The following RARB variants were observed in gnomAD, a reference collection of about 807,000 sequenced individuals.
The protein encoded by RARB is retinoic acid receptor beta.
In RARB, 17 loss-of-function variants were observed where a neutral mutation model predicts 51.9. The ratio of observed to expected loss-of-function variants is 0.33; its 90% CI spans 0.22 to 0.49. RARB has a LOEUF of 0.49. Among genes scored for constraint, RARB ranks in the 20% least tolerant of loss-of-function variants. RARB has a pLI of 0.99. For synonymous variants in RARB, 215 were observed against 195.4 expected (o/e 1.10, Z -0.84); for missense variants, 369 against 550.8 (o/e 0.67, Z 3.30).
At chr3:24,885,881 A>T (rs1034204851) in intron 2 of RARB, among the ~76,000 whole-genome samples, 20 of 152,236 alleles carry the variant, frequency 1.3e-4, no homozygotes, top group African/African-American at 4.8e-4. Context: ...AACTTAAACT[A>T]TATGCACATA....
intron 3 of RARB, among the ~76,000 whole-genome samples, chr3:25,100,259 A>G (rs1357230459): frequency 6.6e-6 from 1 of 152,216 alleles, no homozygotes; most frequent in African/African-American, 2.4e-5. Flanking sequence ...AGTTAAGGAA[A>G]TAAATGATAA....
chr3:24,865,904 C>A (rs771935251), intron 2 of RARB, among the ~76,000 whole-genome samples: 26 of 152,020 alleles, frequency 1.7e-4, no homozygotes, highest in Non-Finnish European at 1.8e-4. Flanking sequence ...ACTTGTGAAA[C>A]TTTTATTTTT....
intron 5 of RARB, among the ~76,000 whole-genome samples, chr3:25,250,887 T>C (rs1419174691): frequency 2.0e-5 from 3 of 152,140 alleles, no homozygotes; most frequent in Non-Finnish European, 4.4e-5. Context: ...GAGTCTGTGG[T>C]GGGAATCTGT....
intron 2 of RARB, among the ~76,000 whole-genome samples, chr3:24,996,919 A>G (rs1697052077): frequency 6.6e-6 from 1 of 152,168 alleles, no homozygotes; most frequent in Non-Finnish European, 1.5e-5. Context: ...TATGAAAAGA[A>G]TGTATATTCT....
intron 5 of RARB, among the ~76,000 whole-genome samples, chr3:25,394,848 C>T (rs947120117): frequency 6.6e-6 from 1 of 152,098 alleles, no homozygotes; most frequent in African/African-American, 2.4e-5. Context: ...GAATTCTTAT[C>T]CATTCTGCCA....
chr3:25,438,935 T>G (rs1708545108), intron 1 of RARB, among the ~76,000 whole-genome samples: 1 of 152,216 alleles, frequency 6.6e-6, no homozygotes, highest in Non-Finnish European at 1.5e-5. Flanking sequence ...ATGAGGCTAT[T>G]TTACTCTTTT....
Position 25,578,507 on chromosome 3 carries a change from AATG to A in RARB, c.610-2036_610-2034del, listed in dbSNP as rs148023876. ...TTTCCAGATGGATACTCTATTGTAAAATGATTTCCCTCCATAAGCTTGACTCTC... is the reference window on the plus strand; with the variant it reads ...TTTCCAGATGGATACTCTATTGTAAAATTTCCCTCCATAAGCTTGACTCTC... On this transcript the variant is annotated intron_variant, in intron 4 of 7. Coordinates refer to ENST00000330688, the MANE Select transcript of RARB (RefSeq NM_000965.5). Among the ~76,000 whole-genome samples the A allele has an allele frequency of 2.9e-3, 440 of 152,308 alleles. 2 individuals carry two copies. Among genetic ancestry groups the A allele is most frequent in the African/African-American group, 0.01 (416 of 41,566 alleles).
chr3:25,120,557 C>CTCTCTCTCTCTT (rs1699767828), intron 3 of RARB, among the ~76,000 whole-genome samples: 1 of 151,716 alleles, frequency 6.6e-6, no homozygotes, highest in Non-Finnish European at 1.5e-5. Context: ...CTCTCTCTCT[C>CTCTCTCTCTCTT]TCTCTCGATA....
At position 24,945,240 on chromosome 3, in the gene RARB, G is replaced by T. The variant is rs1319693570; in HGVS notation, c.-380+86488G>T. On this transcript the variant is annotated intron_variant, in intron 2 of 11. Transcript: ENST00000383772. Reference sequence around the variant, plus strand: ...CAATTTCATATTTGTGTATATTTATGTAAGAATAAGTCTGTCAAGATTTGG... The same window carrying T: ...CAATTTCATATTTGTGTATATTTATTTAAGAATAAGTCTGTCAAGATTTGG... 2.0e-5 allele frequency among the ~76,000 whole-genome samples: 3 copies of T among 152,138 alleles called. No homozygotes were observed. In the East Asian group the frequency reaches 5.8e-4, roughly 29 times the overall value.
At chr3:25,111,566 C>A (rs895854957) in intron 3 of RARB, among the ~76,000 whole-genome samples, 5 of 148,894 alleles carry the variant, frequency 3.4e-5, no homozygotes, top group Non-Finnish European at 7.4e-5. Flanking sequence ...GCTAAATGAT[C>A]TCCGTTTCTA....
At chr3:25,497,711 G>A (rs747196562) in intron 2 of RARB, among the ~76,000 whole-genome samples, 7 of 152,200 alleles carry the variant, frequency 4.6e-5, no homozygotes, top group Non-Finnish European at 7.3e-5. Flanking sequence ...CTCGACCTAT[G>A]CTACCTCCAC....
chr3:25,455,147 G>T lies in RARB; in HGVS notation c.158-6046G>T, dbSNP rs555016162. ...GCCCGTCCGCAAGGAGAGAAGTTCA[G>T]ACATTGAGAGCAAGTGTTTCAAAAC... On this transcript the variant is annotated intron_variant, in intron 1 of 7. Transcript: ENST00000330688. 1.2e-4 allele frequency among the ~76,000 whole-genome samples: 18 copies of T among 152,346 alleles called. No homozygotes were observed. The South Asian group carries it at 3.5e-3, about 30-fold the overall frequency.
At chr3:25,523,424 A>T (rs1290079610) in intron 3 of RARB, among the ~76,000 whole-genome samples, 1 of 152,230 alleles carries the variant, frequency 6.6e-6, no homozygotes, top group African/African-American at 2.4e-5. Flanking sequence ...AACAAGGGAG[A>T]TACGGAAATT....
At chr3:24,853,703 C>A (rs1702594318) in intron 1 of RARB, among the ~76,000 whole-genome samples, 1 of 152,222 alleles carries the variant, frequency 6.6e-6, no homozygotes, top group African/African-American at 2.4e-5. Flanking sequence ...TTCACCCGTT[C>A]TTCATTAAAT....
At chr3:25,350,577 G>A (rs1012416905) in intron 5 of RARB, among the ~76,000 whole-genome samples, 8 of 152,114 alleles carry the variant, frequency 5.3e-5, no homozygotes. Context: ...GCTTTATTAA[G>A]TAGTTGTTTA....
chr3:25,051,533 T>C (rs1169092131), intron 2 of RARB, among the ~76,000 whole-genome samples: 1 of 151,238 alleles, frequency 6.6e-6, no homozygotes, highest in Non-Finnish European at 1.5e-5. Context: ...TTTGAATTAG[T>C]AAAGGAAAAA....
intron 5 of RARB, among the ~76,000 whole-genome samples, chr3:25,238,188 A>G (rs1447408589): frequency 1.3e-5 from 2 of 150,364 alleles, no homozygotes; most frequent in East Asian, 3.9e-4. Flanking sequence ...GGTATCTAGG[A>G]TTCTACTCTC....
chr3:25,195,200 T>TC (rs912694912), intron 5 of RARB, among the ~76,000 whole-genome samples: 6 of 151,966 alleles, frequency 3.9e-5, no homozygotes, highest in Admixed American at 2.6e-4. Context: ...ATTTTTTTTT[T>TC]CCAAACAGTT....
At chr3:24,968,064 C>G (rs1158772386) in intron 2 of RARB, among the ~76,000 whole-genome samples, 1 of 152,084 alleles carries the variant, frequency 6.6e-6, no homozygotes, top group South Asian at 2.1e-4. Flanking sequence ...TGGTTGTTTT[C>G]CTAGCGCATC....
Sources: allele counts gnomAD v4.1 joint callset (sites outside exome capture counted in the v4.1 genomes callset), GRCh38; gene constraint gnomAD v4.1.1; transcripts MANE v1.5; gene names NCBI Gene and HGNC (gene_info 2026-07-23, HGNC 2026-07-21).